The following EYS variants were observed in gnomAD, a reference collection of about 807,000 sequenced individuals.
The protein encoded by EYS is protein eyes shut homolog.
A neutral mutation model predicts 282.1 loss-of-function variants in EYS; 250 were observed. That is an observed-to-expected ratio of 0.89 (90% CI 0.80 to 0.98). EYS has a LOEUF of 0.98. Among genes scored for constraint, EYS ranks in the 50% least tolerant of loss-of-function variants. The pLI is 0.00. For synonymous variants in EYS, 1,355 were observed against 1,282.9 expected (o/e 1.06, Z -1.20); for missense variants, 4,016 against 3,709.0 (o/e 1.08, Z -2.15).
At chr6:65,339,571 T>A (rs1224519347) in intron 10 of EYS, among the ~76,000 whole-genome samples, 1 of 151,142 alleles carries the variant, frequency 6.6e-6, no homozygotes, top group Non-Finnish European at 1.5e-5. Context: ...ATACAGTAAA[T>A]ACAGGGTTTG....
intron 26 of EYS, among the ~76,000 whole-genome samples, chr6:64,498,232 G>C (rs887757019): frequency 6.6e-6 from 1 of 150,772 alleles, no homozygotes; most frequent in African/African-American, 2.4e-5. Context: ...ATACCCTATA[G>C]AGAGTTACTA....
At chr6:65,035,877 T>C (rs1772752645) in intron 13 of EYS, among the ~76,000 whole-genome samples, 1 of 147,874 alleles carries the variant, frequency 6.8e-6, no homozygotes, top group Non-Finnish European at 1.5e-5. Context: ...TTATTAATAA[T>C]TTGTTTGTAA....
At chr6:65,032,091 C>T (rs1772623443) in intron 13 of EYS, among the ~76,000 whole-genome samples, 1 of 151,920 alleles carries the variant, frequency 6.6e-6, no homozygotes, top group East Asian at 1.9e-4. Flanking sequence ...CAAAAACAAC[C>T]CTAAGAAACT....
chr6:65,189,606 C>T (rs1478507144), intron 12 of EYS, among the ~76,000 whole-genome samples: 4 of 151,664 alleles, frequency 2.6e-5, no homozygotes, highest in Admixed American at 1.3e-4. Flanking sequence ...TTTTCTTTTA[C>T]GTTAAAGAAG....
chr6:65,236,547 G>T (rs1222581726), intron 12 of EYS, among the ~76,000 whole-genome samples: 2 of 152,100 alleles, frequency 1.3e-5, no homozygotes, highest in Non-Finnish European at 2.9e-5. Context: ...GGTGGAGGTT[G>T]CAGTGAGCCG....
At chr6:64,446,121 A>G (rs1775108849) in intron 26 of EYS, among the ~76,000 whole-genome samples, 1 of 152,210 alleles carries the variant, frequency 6.6e-6, no homozygotes, top group Non-Finnish European at 1.5e-5. Context: ...TATGGAGTTT[A>G]AGGATGAGTC....
intron 13 of EYS, among the ~76,000 whole-genome samples, chr6:65,028,325 A>G (rs940917436): frequency 6.6e-6 from 1 of 151,800 alleles, no homozygotes; most frequent in African/African-American, 2.4e-5. Flanking sequence ...CTACAATAAT[A>G]TATATTATCT....
At position 64,191,644 on chromosome 6, in the gene EYS, C is replaced by T. The variant is rs544635030; in HGVS notation, c.6424+38948G>A. On this transcript the variant is annotated intron_variant, in intron 31 of 42. Transcript: ENST00000503581. ...ATTTCCAATTTCATCCATGTCCCTACAAAGGACACGAACTCATCATTTTTT... is the reference window on the plus strand; with the variant it reads ...ATTTCCAATTTCATCCATGTCCCTATAAAGGACACGAACTCATCATTTTTT... Among the ~76,000 whole-genome samples, 303 of 152,288 alleles carry T rather than the reference C, an allele frequency of 2.0e-3. 2 individuals carry two copies. Among genetic ancestry groups the T allele is most frequent in the African/African-American group, 6.9e-3 (288 of 41,552 alleles).
At chr6:65,350,386 T>A (rs1159127109) in intron 9 of EYS, among the ~76,000 whole-genome samples, 1 of 151,482 alleles carries the variant, frequency 6.6e-6, no homozygotes, top group Non-Finnish European at 1.5e-5. Context: ...TACCAGAAGA[T>A]CCATTACTTT....
chr6:64,549,516 G>T (rs1384202836), intron 26 of EYS, among the ~76,000 whole-genome samples: 1 of 152,108 alleles, frequency 6.6e-6, no homozygotes, highest in Non-Finnish European at 1.5e-5. Flanking sequence ...CAATGATGTG[G>T]CCAATTCTTT....
At chr6:65,184,336 A>G (rs1765464695) in intron 12 of EYS, among the ~76,000 whole-genome samples, 1 of 151,866 alleles carries the variant, frequency 6.6e-6, no homozygotes, top group Admixed American at 6.6e-5. Flanking sequence ...AAACAGTAGG[A>G]GAGAGAGCAA....
At chr6:65,626,171 A>G (rs1766683328) in intron 2 of EYS, among the ~76,000 whole-genome samples, 1 of 152,184 alleles carries the variant, frequency 6.6e-6, no homozygotes, top group African/African-American at 2.4e-5. Context: ...CAAAGCACTT[A>G]TAGTCAGACT....
At chr6:64,852,397 G>C in intron 19 of EYS, among the ~76,000 whole-genome samples, 1 of 152,090 alleles carries the variant, frequency 6.6e-6, no homozygotes, top group East Asian at 1.9e-4. Context: ...CATGCTGGAT[G>C]TTTCCTGCCC....
At chr6:64,657,380 A>T (rs1169517391) in intron 22 of EYS, among the ~76,000 whole-genome samples, 2 of 152,198 alleles carry the variant, frequency 1.3e-5, no homozygotes, top group South Asian at 4.1e-4. Context: ...GTTACGTGTG[A>T]ATTTGATTCT....
At chr6:64,824,819 A>G (rs570062680) in intron 19 of EYS, among the ~76,000 whole-genome samples, 28 of 152,028 alleles carry the variant, frequency 1.8e-4, no homozygotes, top group African/African-American at 6.5e-4. Flanking sequence ...AGACAGCATC[A>G]TCAAGATTAT....
chr6:65,169,378 T>A (rs551947637), intron 12 of EYS, among the ~76,000 whole-genome samples: 52 of 151,406 alleles, frequency 3.4e-4, no homozygotes, highest in Non-Finnish European at 6.2e-4. Flanking sequence ...CATTGATAAA[T>A]AGTTTGCATA....
At chr6:64,170,533 C>T (rs1373007376) in intron 31 of EYS, among the ~76,000 whole-genome samples, 1 of 151,792 alleles carries the variant, frequency 6.6e-6, no homozygotes, top group Non-Finnish European at 1.5e-5. Context: ...ATCTCTTACA[C>T]TTCTTGGCTG....
intron 23 of EYS, among the ~76,000 whole-genome samples, chr6:64,623,225 T>A (rs1767503810): frequency 6.6e-6 from 1 of 152,306 alleles, no homozygotes; most frequent in East Asian, 1.9e-4. Flanking sequence ...ACTATAGGCA[T>A]GATATTGTAC....
intron 30 of EYS, among the ~76,000 whole-genome samples, chr6:64,291,575 T>G (rs1387591709): frequency 6.6e-5 from 10 of 152,040 alleles, no homozygotes; most frequent in Admixed American, 6.6e-4. Flanking sequence ...CATTGGAAAC[T>G]TTTACAGTGC....
Sources: allele counts gnomAD v4.1 joint callset (sites outside exome capture counted in the v4.1 genomes callset), GRCh38; gene constraint gnomAD v4.1.1; transcripts MANE v1.5; gene names NCBI Gene and HGNC (gene_info 2026-07-23, HGNC 2026-07-21).